Variants in LRRC4C observed in about 807,000 individuals in gnomAD.
LRRC4C encodes leucine rich repeat containing 4C.
A neutral mutation model predicts 33.6 loss-of-function variants in LRRC4C; 5 were observed. That is an observed-to-expected ratio of 0.15 (90% CI 0.08 to 0.31). The LOEUF (loss-of-function observed/expected upper bound fraction) is 0.31. LRRC4C is among the 10% of genes least tolerant of loss of function. LRRC4C has a pLI of 1.00. For synonymous variants in LRRC4C, 329 were observed against 302.0 expected (o/e 1.09, Z -0.93); for missense variants, 560 against 796.7 (o/e 0.70, Z 3.58).
intron 1 of LRRC4C, among the ~76,000 whole-genome samples, chr11:41,192,275 T>C (rs1945986782): frequency 1.3e-5 from 2 of 152,046 alleles, no homozygotes; most frequent in Non-Finnish European, 1.5e-5. Context: ...TCTTTTTCAC[T>C]TCTTTTGTCA....
chr11:40,672,062 T>C (rs1331583778), intron 2 of LRRC4C, among the ~76,000 whole-genome samples: 1 of 152,166 alleles, frequency 6.6e-6, no homozygotes, highest in African/African-American at 2.4e-5. Context: ...TTTAGACCAT[T>C]TGGGCTGCTA....
At chr11:40,353,774 C>T (rs1157925438) in intron 3 of LRRC4C, among the ~76,000 whole-genome samples, 4 of 152,182 alleles carry the variant, frequency 2.6e-5, no homozygotes, top group Non-Finnish European at 5.9e-5. Context: ...TTACTTCTCT[C>T]TGTTATCTCC....
rs1388813025 is a variant in LRRC4C, at chr11:41,305,555, A to C, written c.-496+153876T>G. On this transcript the variant is annotated intron_variant, in intron 1 of 6. Coordinates refer to ENST00000528697, the MANE Select transcript of LRRC4C (RefSeq NM_001258419.2). ...TGGGAGACTTTTCATTTTGTTCTGCACTAAGAAAAATTCCTCTGCCTTGGG... is the reference window on the plus strand; with the variant it reads ...TGGGAGACTTTTCATTTTGTTCTGCCCTAAGAAAAATTCCTCTGCCTTGGG... 3.7e-5 allele frequency among the ~76,000 whole-genome samples: 2 copies of C among 54,372 alleles called. 1 individual carries two copies. Among genetic ancestry groups the C allele is most frequent in the African/African-American group, 8.9e-5 (2 of 22,504 alleles). The allele number at this position is 54,372 out of a possible 152,430, so 35.7% of individuals were successfully genotyped here. A position where few individuals can be genotyped will look rare whatever the true frequency, so the allele number is the denominator to read the frequency against.
intron 3 of LRRC4C, among the ~76,000 whole-genome samples, chr11:40,483,587 G>C (rs1400683527): frequency 6.6e-6 from 1 of 151,978 alleles, no homozygotes; most frequent in African/African-American, 2.4e-5. Flanking sequence ...AATAGTTGGT[G>C]ACTGATTGCA....
intron 1 of LRRC4C, among the ~76,000 whole-genome samples, chr11:40,984,483 T>C (rs962762628): frequency 1.3e-5 from 2 of 152,072 alleles, no homozygotes; most frequent in Non-Finnish European, 2.9e-5. Context: ...AGGTAATAGT[T>C]AAACATGCTG....
intron 3 of LRRC4C, among the ~76,000 whole-genome samples, chr11:40,481,679 G>A (rs1474901458): frequency 1.3e-5 from 2 of 152,062 alleles, no homozygotes; most frequent in South Asian, 2.1e-4. Context: ...AGGAGGGAAT[G>A]TATCCTCTAT....
intron 2 of LRRC4C, among the ~76,000 whole-genome samples, chr11:40,757,096 C>G (rs1434650582): frequency 1.3e-5 from 2 of 151,996 alleles, no homozygotes; most frequent in South Asian, 2.1e-4. Context: ...TTCCCCTTTC[C>G]CCATGCCAAC....
At chr11:40,966,250 C>T (rs796286283) in intron 1 of LRRC4C, among the ~76,000 whole-genome samples, 1 of 151,934 alleles carries the variant, frequency 6.6e-6, no homozygotes, top group South Asian at 2.1e-4. Flanking sequence ...CCTATTTTTA[C>T]ATTTGCATCT....
At chr11:41,163,397 C>T (rs934083732) in intron 1 of LRRC4C, among the ~76,000 whole-genome samples, 7 of 142,728 alleles carry the variant, frequency 4.9e-5, no homozygotes, top group African/African-American at 1.8e-4. Context: ...GATTCCCCTG[C>T]CTCAGCTTCC....
At chr11:40,210,559 A>G (rs1485822792) in intron 5 of LRRC4C, among the ~76,000 whole-genome samples, 2 of 152,080 alleles carry the variant, frequency 1.3e-5, no homozygotes, top group Non-Finnish European at 1.5e-5. Flanking sequence ...TTGAAAAATT[A>G]TCTCCCTTCT....
At chr11:40,704,630 T>G (rs1300312123) in intron 2 of LRRC4C, among the ~76,000 whole-genome samples, 1 of 152,220 alleles carries the variant, frequency 6.6e-6, no homozygotes, top group African/African-American at 2.4e-5. Context: ...CAATAATCTC[T>G]CCGGACCTCA....
chr11:41,333,072 C>T (rs1439656782), intron 1 of LRRC4C, among the ~76,000 whole-genome samples: 1 of 152,076 alleles, frequency 6.6e-6, no homozygotes, highest in Non-Finnish European at 1.5e-5. Context: ...GAAGGGGAAA[C>T]ACTTGAAAGA....
At chr11:41,438,379 T>C (rs986526575) in intron 1 of LRRC4C, among the ~76,000 whole-genome samples, 2 of 152,038 alleles carry the variant, frequency 1.3e-5, no homozygotes, top group Non-Finnish European at 2.9e-5. Flanking sequence ...TTAACAAATA[T>C]AATAATACAA....
intron 3 of LRRC4C, among the ~76,000 whole-genome samples, chr11:40,528,971 A>G (rs1173873739): frequency 6.6e-6 from 1 of 152,148 alleles, no homozygotes; most frequent in Non-Finnish European, 1.5e-5. Context: ...AATATAGGTT[A>G]CCAGTGTCAG....
chr11:41,171,156 G>A lies in LRRC4C; in HGVS notation c.-495-237433C>T, dbSNP rs542289062. On this transcript the variant is annotated intron_variant, in intron 1 of 6. Transcript: ENST00000528697. ...TAGGAACACTTTTACACTGTTGGTG[G>A]GACTGTAAACTAGTTCAACCATTGT... Among the ~76,000 whole-genome samples, 61 of 152,094 alleles carry A rather than the reference G, an allele frequency of 4.0e-4. No homozygotes were observed. In the Middle Eastern group the frequency reaches 0.01, roughly 25 times the overall value.
At chr11:40,410,132 T>C (rs1950104952) in intron 3 of LRRC4C, among the ~76,000 whole-genome samples, 1 of 151,912 alleles carries the variant, frequency 6.6e-6, no homozygotes, top group South Asian at 2.1e-4. Context: ...GACATCTAGC[T>C]CTTTACAGAA....
chr11:41,370,166 C>G (rs1212972087), intron 1 of LRRC4C, among the ~76,000 whole-genome samples: 10 of 152,040 alleles, frequency 6.6e-5, no homozygotes, highest in Non-Finnish European at 1.5e-4. Context: ...GTCTGGATAA[C>G]TACACATTAT....
chr11:41,035,200 AATAC>A (rs890715418), intron 1 of LRRC4C, among the ~76,000 whole-genome samples: 1 of 149,460 alleles, frequency 6.7e-6, no homozygotes, highest in Non-Finnish European at 1.5e-5. Context: ...AATATAAATA[AATAC>A]ATAAATAAAT....
chr11:40,447,740 G>C (rs1951702733), intron 3 of LRRC4C, among the ~76,000 whole-genome samples: 1 of 152,098 alleles, frequency 6.6e-6, no homozygotes, highest in Admixed American at 6.6e-5. Context: ...TGGAGGAAGT[G>C]GACCCATCTC....
Sources: gnomAD v4.1 joint callset for allele counts (sites outside exome capture counted in the v4.1 genomes callset) on GRCh38, gnomAD v4.1.1 for gene constraint, MANE v1.5 for transcripts, NCBI Gene and HGNC (gene_info 2026-07-23, HGNC 2026-07-21) for gene names.